The following ZBTB4 variants were observed in gnomAD, a reference collection of about 807,000 sequenced individuals.
ZBTB4 encodes zinc finger and BTB domain containing 4.
ZBTB4 carries 14 observed loss-of-function variants against 59.8 expected under a neutral mutation model. The ratio of observed to expected loss-of-function variants is 0.23; its 90% CI spans 0.15 to 0.37. ZBTB4 has a LOEUF of 0.37. Among genes scored for constraint, ZBTB4 ranks in the 10% least tolerant of loss-of-function variants. ZBTB4 has a pLI of 1.00. For missense variants in ZBTB4, 1,198 were observed against 1,380.8 expected (o/e 0.87, Z 2.10); for synonymous variants, 587 against 575.2 (o/e 1.02, Z -0.29).
At chr17:7,472,836 ATCTC>A (rs1341837926) in intron 1 of ZBTB4, among the ~76,000 whole-genome samples, 5 of 150,996 alleles carry the variant, frequency 3.3e-5, no homozygotes, top group East Asian at 3.9e-4. Context: ...TAGAGATTGG[ATCTC>A]TCTATGTTGG....
At chr17:7,467,192 C>T in intron 2 of ZBTB4, 65 bp downstream of exon 2, 3 of 1,035,696 alleles carry the variant, frequency 2.9e-6, no homozygotes, top group Non-Finnish European at 3.5e-6. Flanking sequence ...AAAATGGCCG[C>T]CCCTGCTGGC....
Position 7,459,660 on chromosome 17 carries a change from A to C in ZBTB4, c.*2280T>G, listed in dbSNP as rs2069990326. On this transcript the variant is annotated 3_prime_UTR_variant, in exon 4 of 4. Transcript: ENST00000380599. The stretch of plus-strand genomic sequence containing the variant: ...CAAATTTCCAACATCTGAAACTCAC[A>C]ATATTCAAATTCCCCAGCTCAAATA... The C allele has an allele frequency of 6.6e-6, 1 of 152,342 alleles. No individual in the cohort carries two copies. The highest frequency in any genetic ancestry group is 2.1e-4 in the South Asian group (1 of 4,834). The allele number at this position is 152,342 out of a possible 1,614,324, so 9.4% of individuals were successfully genotyped here. A position where few individuals can be genotyped will look rare whatever the true frequency, so the allele number is the denominator to read the frequency against.
chr17:7,468,923 C>T (rs2070162916), intron 1 of ZBTB4, among the ~76,000 whole-genome samples: 1 of 152,100 alleles, frequency 6.6e-6, no homozygotes, highest in Non-Finnish European at 1.5e-5. Context: ...CCCTGTCTGC[C>T]AGGGACTGAT....
Position 7,466,094 on chromosome 17 carries a change from G to A in ZBTB4, c.708C>T (p.Cys236=), listed in dbSNP as rs1462174699. Residue 236 remains cysteine, a synonymous_variant, in exon 3 of 4, where the codon TGC becomes TGT. Transcript: ENST00000380599. This position sits in a 1 kb window ranked among gnomAD's most constrained non-coding sequence, Gnocchi z 9.1. The part of the protein sequence containing the change: ...QCSLPRRPLP[C]PQCGKSFIHP... ...GGATGAAGCTTTTTCCACACTGGGG[G>A]CAGGGGAGGGGCCGCCGGGGCAGGG... 3.7e-6 allele frequency: 6 copies of A among 1,605,684 alleles called. No individual in the cohort carries two copies. Among genetic ancestry groups the A allele is most frequent in the South Asian group, 2.2e-5 (2 of 90,586 alleles).
chr17:7,483,819 G>A (rs1270343980), upstream of ZBTB4, among the ~76,000 whole-genome samples: 1 of 152,188 alleles, frequency 6.6e-6, no homozygotes, highest in Non-Finnish European at 1.5e-5. Flanking sequence ...GCTCGGTACA[G>A]CGCGGCATTA....
Position 7,466,011 on chromosome 17 carries a change from C to T in ZBTB4, c.791G>A (p.Gly264Glu), listed in dbSNP as rs771985034. ...GCCCCCAGCTCCCAGCCCTGTAGACCCCCGCGTGCTGGCCCCTCGTCGGCA... is the reference window on the plus strand; with the variant it reads ...GCCCCCAGCTCCCAGCCCTGTAGACTCCCGCGTGCTGGCCCCTCGTCGGCA... ...AQCRRGASTR[G>E]STGLGAGGAG... is the part of the protein sequence containing the mutation. Residue 264 changes from glycine to glutamate, a missense_variant, in exon 3 of 4, where the codon GGG becomes GAG. Gly to Glu is a moderately conservative substitution (Grantham distance 98, BLOSUM62 -2). Around this residue, in one of 9 missense-constraint regions of ZBTB4, gnomAD observed 204 missense variants for 205.5 expected, o/e 0.99. Coordinates refer to ENST00000380599, the MANE Select transcript of ZBTB4 (RefSeq NM_001128833.2). The surrounding 1 kb of genome is among the most constrained non-coding windows in gnomAD (Gnocchi z 9.1). 6.2e-7 allele frequency: 1 copy of T among 1,607,616 alleles called. No individual in the cohort carries two copies. The highest frequency in any genetic ancestry group is 8.5e-7 in the Non-Finnish European group (1 of 1,176,132).
upstream of ZBTB4, among the ~76,000 whole-genome samples, chr17:7,481,127 C>T (rs1159865416): frequency 3.4e-5 from 5 of 147,270 alleles, no homozygotes; most frequent in African/African-American, 7.6e-5. Context: ...CGCACCACTG[C>T]ACTCCAGCCT....
rs747766353 is a variant in ZBTB4, at chr17:7,466,473, G to A, written c.329C>T (p.Ser110Phe). ...AGGGGGAGAGGCTGGAGGGGGAGAG[G>A]AAGAGGAAGAGGAAGAAGAAGAAGA... is the stretch of plus-strand genomic sequence containing the variant. ...SASSSSSSSS[S>F]SPPPASPPAS... The change falls in exon 3 of 4, where the codon TCC becomes TTC. Residue 110 changes from serine (S) to phenylalanine (F), a missense_variant. Ser to Phe is a radical substitution (Grantham distance 155). Coordinates refer to ENST00000380599, the MANE Select transcript of ZBTB4 (RefSeq NM_001128833.2). The surrounding 1 kb of genome is among the most constrained non-coding windows in gnomAD (Gnocchi z 9.1). 5 of 1,607,708 alleles carry A rather than the reference G, an allele frequency of 3.1e-6. No individual in the cohort carries two copies. Among genetic ancestry groups the A allele is most frequent in the Middle Eastern group, 1.7e-4 (1 of 6,016 alleles).
At chr17:7,478,040 C>T (rs557334761) in intron 1 of ZBTB4, among the ~76,000 whole-genome samples, 11 of 152,170 alleles carry the variant, frequency 7.2e-5, no homozygotes, top group East Asian at 1.9e-4. Flanking sequence ...GCAGCCCCAC[C>T]GCCACTTAAG....
intron 3 of ZBTB4, among the ~76,000 whole-genome samples, chr17:7,465,318 G>A (rs1449020472): frequency 6.6e-6 from 1 of 151,722 alleles, no homozygotes; most frequent in East Asian, 1.9e-4. Context: ...AAAATTAGCT[G>A]GGCATGGTGG....
At chr17:7,476,169 C>CCT (rs1285803939) in intron 1 of ZBTB4, among the ~76,000 whole-genome samples, 1 of 152,174 alleles carries the variant, frequency 6.6e-6, no homozygotes, top group Admixed American at 6.6e-5. Flanking sequence ...ATCCAGCCCT[C>CCT]CTCCCCCTGA....
At chr17:7,476,246 C>G (rs775034553) in intron 1 of ZBTB4, among the ~76,000 whole-genome samples, 8 of 152,244 alleles carry the variant, frequency 5.3e-5, no homozygotes, top group Non-Finnish European at 8.8e-5. Context: ...CTGGTCCCCA[C>G]TGACTCTAGA....
rs1200463489 is a variant in ZBTB4, at chr17:7,462,010, G to A, written c.2972C>T (p.Pro991Leu). The A allele has an allele frequency of 6.2e-7, 1 of 1,603,374 alleles. No individual in the cohort carries two copies. Among genetic ancestry groups the A allele is most frequent in the South Asian group, 1.1e-5 (1 of 89,432 alleles). Reference protein sequence around the residue: ...PPTPPPPTLPPPIPPKGEGER... With the variant: ...PPTPPPPTLPLPIPPKGEGER... ...CCCTTCTCCCTTAGGGGGAATTGGT[G>A]GAGGAAGAGTTGGGGGAGGTGGTGT... The change falls in exon 4 of 4, where the codon CCA becomes CTA. Residue 991 changes from proline (P) to leucine (L), a missense_variant. Physicochemically the swap from Pro to Leu is moderately conservative, Grantham distance 98. Around this residue, in one of 9 missense-constraint regions of ZBTB4, gnomAD observed 211 missense variants for 236.1 expected, o/e 0.89. Transcript: ENST00000380599. This position sits in a 1 kb window ranked among gnomAD's most constrained non-coding sequence, Gnocchi z 7.5.
At chr17:7,474,943 T>TG (rs948884401) in intron 1 of ZBTB4, among the ~76,000 whole-genome samples, 20 of 114,038 alleles carry the variant, frequency 1.8e-4, no homozygotes, top group South Asian at 3.2e-4. Flanking sequence ...ACCGGGGAGG[T>TG]GGCGGTTGCA....
chr17:7,481,914 T>G, upstream of ZBTB4: 1 of 1,525,126 alleles, frequency 6.6e-7, no homozygotes, highest in South Asian at 1.3e-5. Flanking sequence ...CCAGACCCCA[T>G]CCTGGCATCT....
upstream of ZBTB4, chr17:7,481,411 G>GT (rs935151676): frequency 2.2e-4 from 298 of 1,360,148 alleles, no homozygotes; most frequent in Non-Finnish European, 2.6e-4. Context: ...CCTCAGGAGA[G>GT]TTCCAGGGAA....
Position 7,463,641 on chromosome 17 carries a change from G to A in ZBTB4, c.1341C>T (p.Ala447=), listed in dbSNP as rs764966287. The A allele has an allele frequency of 1.9e-6, 3 of 1,612,078 alleles. No individual in the cohort carries two copies. In the South Asian group the frequency reaches 3.3e-5, roughly 18 times the overall value. ...GCGGGCTGGCTGGCATTGCCACAGGGGCCGGTGTGTTGAGGGTTGGAGAAA... is the reference window on the plus strand; with the variant it reads ...GCGGGCTGGCTGGCATTGCCACAGGAGCCGGTGTGTTGAGGGTTGGAGAAA... The part of the protein sequence containing the change: ...APLSPTLNTP[A]PVAMPASPPP... The change falls in exon 4 of 4, where the codon GCC becomes GCT. Residue 447 remains alanine, a synonymous_variant. Coordinates refer to ENST00000380599, the MANE Select transcript of ZBTB4 (RefSeq NM_001128833.2).
At position 7,461,060 on chromosome 17, in the gene ZBTB4, G is replaced by A. The variant is rs1415194347; in HGVS notation, c.*880C>T. On this transcript the variant is annotated 3_prime_UTR_variant, in exon 4 of 4. Coordinates refer to ENST00000380599, the MANE Select transcript of ZBTB4 (RefSeq NM_001128833.2). ...GATTCCCTTCTCCATCCCATATGGA[G>A]TTCTTCCCTCCTGGCCCCCAAATCT... 1 of 152,670 alleles carries A rather than the reference G, an allele frequency of 6.6e-6. No homozygotes were observed. The highest frequency in any genetic ancestry group is 1.5e-5 in the Non-Finnish European group (1 of 68,058). The allele number at this position is 152,670 out of a possible 1,614,324, so 9.5% of individuals were successfully genotyped here.
At chr17:7,474,746 G>A (rs1429275615) in intron 1 of ZBTB4, among the ~76,000 whole-genome samples, 2 of 151,992 alleles carry the variant, frequency 1.3e-5, no homozygotes, top group African/African-American at 2.4e-5. Context: ...GCACAGTGGC[G>A]CACACCTGTA....
Sources: allele counts gnomAD v4.1 joint callset (sites outside exome capture counted in the v4.1 genomes callset), GRCh38; gene constraint gnomAD v4.1.1; regional missense constraint gnomAD v4.1.1; non-coding constraint Gnocchi (gnomAD v3.1); transcripts MANE v1.5; gene names NCBI Gene and HGNC (gene_info 2026-07-23, HGNC 2026-07-21).